ACTR3C: variants seen among roughly 807,000 people sequenced by gnomAD.
ACTR3C encodes actin-related protein 3C.
ACTR3C carries 18 observed loss-of-function variants against 26.3 expected under a neutral mutation model. The observed-to-expected ratio is 0.68, with a 90% CI of 0.47 to 1.01. The LOEUF is 1.01. Among genes scored for constraint, ACTR3C ranks in the 50% least tolerant of loss-of-function variants. ACTR3C has a pLI of 0.00. For synonymous variants in ACTR3C, 55 were observed against 94.5 expected, an observed-to-expected ratio of 0.58 and a Z score of 2.42; for missense variants, 184 against 250.7, an observed-to-expected ratio of 0.73 and a Z score of 1.80.
downstream of ACTR3C, chr7:150,245,845 T>C (rs1331885252): frequency 6.6e-6 from 1 of 152,212 alleles, no homozygotes; most frequent in East Asian, 1.9e-4. Flanking sequence ...GAAAAGTGAC[T>C]TGGATTTTGT....
chr7:150,299,482 AAAAAAAAAAAAAC>A (rs1563196629), intron 1 of ACTR3C, among the ~76,000 whole-genome samples: 4 of 145,508 alleles, frequency 2.7e-5, no homozygotes, highest in Non-Finnish European at 4.5e-5. Flanking sequence ...AAAAAAAAAA[AAAAAAAAAAAAAC>A]AAAAAACAGG....
chr7:150,298,096 C>T (rs2129613870), intron 1 of ACTR3C, among the ~76,000 whole-genome samples: 1 of 151,048 alleles, frequency 6.6e-6, no homozygotes, highest in Middle Eastern at 3.4e-3. Flanking sequence ...TTAGTAACAT[C>T]ATTAATCAAA....
At chr7:150,232,047 G>C in the ACTR3C span, among the ~76,000 whole-genome samples, 63 of 152,116 alleles carry the variant, frequency 4.1e-4, no homozygotes, top group African/African-American at 1.3e-3. Context: ...AGGTGTTTTT[G>C]CTCTGTTGTT....
chr7:150,262,843 C>A (rs889082229), intron 6 of ACTR3C, among the ~76,000 whole-genome samples: 4 of 151,790 alleles, frequency 2.6e-5, no homozygotes, highest in Non-Finnish European at 4.4e-5. Flanking sequence ...ATGGGTATTG[C>A]GAAATAAGAA....
the ACTR3C span, among the ~76,000 whole-genome samples, chr7:150,193,142 A>T: frequency 6.6e-6 from 1 of 152,044 alleles, no homozygotes; most frequent in Non-Finnish European, 1.5e-5. Context: ...CCTTTACTAA[A>T]TTTTTTCTGC....
the ACTR3C span, among the ~76,000 whole-genome samples, chr7:150,155,597 T>C: frequency 6.6e-6 from 1 of 150,848 alleles, no homozygotes; most frequent in South Asian, 2.1e-4. Flanking sequence ...TTGAGACTCA[T>C]GGTCTCAAAA....
chr7:149,977,363 C>T, the ACTR3C span, among the ~76,000 whole-genome samples: 3 of 152,210 alleles, frequency 2.0e-5, no homozygotes, highest in Admixed American at 6.5e-5. Flanking sequence ...GGTACACAGA[C>T]GTTGTACTCA....
the ACTR3C span, among the ~76,000 whole-genome samples, chr7:149,948,952 G>A: frequency 3.3e-5 from 5 of 151,252 alleles, no homozygotes; most frequent in Admixed American, 6.6e-5. Context: ...TTGGGCTATC[G>A]AAAGCACTGC....
the ACTR3C span, among the ~76,000 whole-genome samples, chr7:149,986,169 G>A: frequency 5.6e-4 from 85 of 151,922 alleles, no homozygotes; most frequent in Non-Finnish European, 1.1e-3. Flanking sequence ...GGTGGGATGA[G>A]GTTTGCAAAC....
At chr7:150,040,919 A>G in the ACTR3C span, among the ~76,000 whole-genome samples, 1 of 149,876 alleles carries the variant, frequency 6.7e-6, no homozygotes. Flanking sequence ...GAGTCAGCTT[A>G]TTTGCTTCTT....
chr7:150,092,182 T>G, the ACTR3C span, among the ~76,000 whole-genome samples: 1 of 144,020 alleles, frequency 6.9e-6, no homozygotes, highest in Non-Finnish European at 1.5e-5. Context: ...AGAAAAGATT[T>G]AAGCAATATT....
chr7:150,111,816 T>G, the ACTR3C span, among the ~76,000 whole-genome samples: 1 of 144,996 alleles, frequency 6.9e-6, no homozygotes, highest in Admixed American at 6.9e-5. Context: ...CCCCACCAGG[T>G]GAAAACGCTA....
At chr7:150,303,257 C>T (rs1334780113) in intron 1 of ACTR3C, among the ~76,000 whole-genome samples, 2 of 152,202 alleles carry the variant, frequency 1.3e-5, no homozygotes, top group South Asian at 2.1e-4. Flanking sequence ...CCTTAACACC[C>T]TCCTCCTTCC....
the ACTR3C span, among the ~76,000 whole-genome samples, chr7:150,021,194 C>A: frequency 2.0e-5 from 3 of 151,772 alleles, no homozygotes; most frequent in Non-Finnish European, 1.5e-5. Context: ...GACTTCATCA[C>A]AGATGTCAGT....
intron 6 of ACTR3C, among the ~76,000 whole-genome samples, chr7:150,275,927 G>C (rs989445389): frequency 1.3e-4 from 19 of 151,852 alleles, no homozygotes; most frequent in African/African-American, 4.1e-4. Flanking sequence ...TCCCACCCGG[G>C]GTCAGCCACC....
the ACTR3C span, among the ~76,000 whole-genome samples, chr7:150,135,086 A>G: frequency 6.6e-6 from 1 of 152,184 alleles, no homozygotes; most frequent in Admixed American, 6.5e-5. Context: ...GAGCCACCGC[A>G]TGGGTGAAAC....
At chr7:149,906,655 T>C in the ACTR3C span, among the ~76,000 whole-genome samples, 2 of 144,340 alleles carry the variant, frequency 1.4e-5, no homozygotes, top group Admixed American at 7.0e-5. Flanking sequence ...TGGTCTCAAA[T>C]CCCTGACCTC....
At chr7:150,130,963 T>C in the ACTR3C span, among the ~76,000 whole-genome samples, 1 of 152,188 alleles carries the variant, frequency 6.6e-6, no homozygotes, top group African/African-American at 2.4e-5. Flanking sequence ...AGCACTGATT[T>C]CCGAGGGCTG....
the ACTR3C span, among the ~76,000 whole-genome samples, chr7:149,890,226 T>G: frequency 6.6e-6 from 1 of 152,030 alleles, no homozygotes. Flanking sequence ...GCAGGTTTAA[T>G]ACGCAGCTTA....
Sources: gnomAD v4.1 joint callset for allele counts (sites outside exome capture counted in the v4.1 genomes callset) on GRCh38, gnomAD v4.1.1 for gene constraint, MANE v1.5 for transcripts, NCBI Gene and HGNC (gene_info 2026-07-23, HGNC 2026-07-21) for gene names.